CREB5: variants seen among roughly 807,000 people sequenced by gnomAD.
The protein encoded by CREB5 is cAMP responsive element binding protein 5.
Under a neutral mutation model 57.1 loss-of-function variants are expected in CREB5, and 19 were observed. The ratio of observed to expected loss-of-function variants is 0.33; its 90% confidence interval spans 0.23 to 0.49. CREB5 has a LOEUF of 0.49. Ranked by LOEUF, CREB5 falls within the 20% of genes least tolerant of loss-of-function variation. The pLI, the probability that CREB5 is intolerant of heterozygous loss-of-function variation, is 0.99. For synonymous variants in CREB5, 238 were observed against 238.3 expected, an observed-to-expected ratio of 1.00 and a Z score of 0.01; for missense variants, 579 against 671.6, an observed-to-expected ratio of 0.86 and a Z score of 1.52.
At chr7:28,653,156 A>T (rs1196351422) in intron 5 of CREB5, among the ~76,000 whole-genome samples, 1 of 152,210 alleles carries the variant, frequency 6.6e-6, no homozygotes, top group Non-Finnish European at 1.5e-5. Flanking sequence ...CTTTTAATCG[A>T]AACATGTGAG....
chr7:28,650,830 C>T (rs1438001264), intron 5 of CREB5, among the ~76,000 whole-genome samples: 3 of 152,062 alleles, frequency 2.0e-5, no homozygotes. Flanking sequence ...AAAGAGACAA[C>T]AAATGGTGAT....
chr7:28,560,957 TGTGC>T (rs1562798113), intron 4 of CREB5, among the ~76,000 whole-genome samples: 11 of 43,448 alleles, frequency 2.5e-4, no homozygotes, highest in East Asian at 6.3e-4. Flanking sequence ...TGTGCGTGTG[TGTGC>T]GTGTGTGTGT....
At chr7:28,753,111 G>GA (rs558641777) in intron 7 of CREB5, among the ~76,000 whole-genome samples, 1 of 151,986 alleles carries the variant, frequency 6.6e-6, no homozygotes, top group Non-Finnish European at 1.5e-5. Flanking sequence ...TCTGTCCTAA[G>GA]AAAATAATCA....
At chr7:28,317,019 T>G (rs982489448) in intron 1 of CREB5, among the ~76,000 whole-genome samples, 3 of 150,840 alleles carry the variant, frequency 2.0e-5, no homozygotes, top group East Asian at 1.9e-4. Context: ...ATTTAATGGT[T>G]GTCTTCTCTG....
In CREB5 at chr7:28,779,531, C is replaced by T. The variant is rs572826387; in HGVS notation, c.703-24668C>T. Among the ~76,000 whole-genome samples the T allele has an allele frequency of 7.9e-5, 12 of 152,234 alleles. 1 individual carries two copies. Among genetic ancestry groups the T allele is most frequent in the East Asian group, 7.7e-4 (4 of 5,186 alleles). On this transcript the variant is annotated intron_variant, in intron 7 of 10. Transcript: ENST00000357727. ...ACTGCCCTCAATTGGTGACAGTTCC[C>T]GTGTTTTTCTTTTTACAGATGAAAT...
intron 1 of CREB5, among the ~76,000 whole-genome samples, chr7:28,314,367 G>A (rs1347467064): frequency 2.0e-5 from 3 of 152,134 alleles, no homozygotes; most frequent in Non-Finnish European, 2.9e-5. Context: ...CTTGGAGATG[G>A]TGCTGTCTTT....
chr7:28,435,189 A>T (rs1788903273), intron 1 of CREB5, among the ~76,000 whole-genome samples: 1 of 151,650 alleles, frequency 6.6e-6, no homozygotes, highest in African/African-American at 2.4e-5. Flanking sequence ...CCAATCTATA[A>T]ACAACGAAAT....
intron 5 of CREB5, among the ~76,000 whole-genome samples, chr7:28,595,578 A>G (rs1401628948): frequency 6.6e-6 from 1 of 152,198 alleles, no homozygotes; most frequent in Non-Finnish European, 1.5e-5. Context: ...CCACTGTGCA[A>G]CTAAACAGGT....
intron 7 of CREB5, among the ~76,000 whole-genome samples, chr7:28,796,378 C>T (rs186145342): frequency 5.3e-5 from 8 of 152,258 alleles, no homozygotes; most frequent in South Asian, 2.1e-4. Flanking sequence ...TTCCTTTGTA[C>T]GGACAAATAA....
At chr7:28,427,023 T>C (rs867374736) in intron 1 of CREB5, among the ~76,000 whole-genome samples, 38 of 152,214 alleles carry the variant, frequency 2.5e-4, no homozygotes, top group African/African-American at 8.4e-4. Flanking sequence ...TTTTTAGGTA[T>C]ACGGATGAAG....
intron 1 of CREB5, among the ~76,000 whole-genome samples, chr7:28,381,372 C>A (rs1197998784): frequency 1.3e-5 from 2 of 152,132 alleles, no homozygotes; most frequent in African/African-American, 4.8e-5. Context: ...CTATTATCCT[C>A]ATTTTAAAGG....
At chr7:28,590,836 C>T (rs1250595359) in intron 5 of CREB5, among the ~76,000 whole-genome samples, 1 of 151,948 alleles carries the variant, frequency 6.6e-6, no homozygotes, top group Non-Finnish European at 1.5e-5. Context: ...GGTGATGATG[C>T]CATAAGAACA....
chr7:28,800,406 C>T (rs558639419), intron 7 of CREB5, among the ~76,000 whole-genome samples: 108 of 152,220 alleles, frequency 7.1e-4, no homozygotes, highest in African/African-American at 2.4e-3. Flanking sequence ...AAAGGGCTGA[C>T]GGGAAGGCAG....
chr7:28,312,720 T>A (rs1785303806), intron 1 of CREB5, among the ~76,000 whole-genome samples: 1 of 152,190 alleles, frequency 6.6e-6, no homozygotes, highest in Admixed American at 6.5e-5. Context: ...CCAGGTGTCA[T>A]CTCCAGAAAT....
chr7:28,628,551 A>C (rs924807725), intron 5 of CREB5, among the ~76,000 whole-genome samples: 3 of 152,102 alleles, frequency 2.0e-5, no homozygotes, highest in African/African-American at 7.2e-5. Context: ...GAAGGAAGAG[A>C]CCATGGTAGC....
chr7:28,782,329 A>G (rs1345637376), intron 7 of CREB5, among the ~76,000 whole-genome samples: 2 of 151,896 alleles, frequency 1.3e-5, no homozygotes, highest in Admixed American at 6.6e-5. Flanking sequence ...TAATTATCAC[A>G]CAGAATATTT....
In CREB5 at chr7:28,757,168, G is replaced by A. The variant is rs115208209; in HGVS notation, c.702+32836G>A. On this transcript the variant is annotated intron_variant, in intron 7 of 10. Coordinates refer to ENST00000357727, the MANE Select transcript of CREB5 (RefSeq NM_182898.4). ...AGTAACACAGTAAATTCTCGCAACC[G>A]TCGTATATGAGACATCTGCTAATAC... 8.4e-3 allele frequency among the ~76,000 whole-genome samples: 1,275 copies of A among 152,230 alleles called. 12 individuals carry two copies. The highest frequency in any genetic ancestry group is 0.05 in the South Asian group (240 of 4,812).
chr7:28,600,675 A>G lies in CREB5; in HGVS notation c.464+30138A>G, dbSNP rs753845000. Among the ~76,000 whole-genome samples the G allele has an allele frequency of 1.1e-3, 170 of 152,326 alleles. 1 individual carries two copies. The highest frequency in any genetic ancestry group is 1.5e-3 in the Non-Finnish European group (103 of 68,026). ...ATTTTCAGTTTATTTATATTCTATT[A>G]CAAATAAAAGTTAAAATGTGAAATA... On this transcript the variant is annotated intron_variant, in intron 5 of 10. Transcript: ENST00000357727.
chr7:28,536,320 T>C (rs1793965394), intron 4 of CREB5, among the ~76,000 whole-genome samples: 1 of 152,190 alleles, frequency 6.6e-6, no homozygotes, highest in Admixed American at 6.5e-5. Flanking sequence ...TGATCCCCTC[T>C]CAGAGTCTGT....
Sources: gnomAD v4.1 joint callset for allele counts (sites outside exome capture counted in the v4.1 genomes callset) on GRCh38, gnomAD v4.1.1 for gene constraint, MANE v1.5 for transcripts, NCBI Gene and HGNC (gene_info 2026-07-23, HGNC 2026-07-21) for gene names.